Variants in NTM observed in about 807,000 individuals in gnomAD.
NTM encodes neurotrimin.
Under a neutral mutation model 42.1 loss-of-function variants are expected in NTM, and 13 were observed. The observed-to-expected ratio is 0.31, with a 90% confidence interval of 0.20 to 0.49. The LOEUF is 0.49. Among genes scored for constraint, NTM ranks in the 20% least tolerant of loss-of-function variants. NTM has a pLI of 0.99. For missense variants in NTM, 373 were observed against 452.8 expected, an observed-to-expected ratio of 0.82 and a Z score of 1.60; for synonymous variants, 187 against 179.2, an observed-to-expected ratio of 1.04 and a Z score of -0.35.
chr11:131,820,878 T>C (rs2093157651), intron 1 of NTM, among the ~76,000 whole-genome samples: 1 of 152,188 alleles, frequency 6.6e-6, no homozygotes, highest in African/African-American at 2.4e-5. Flanking sequence ...TCCATTCATT[T>C]TGCTATTACA....
At chr11:131,669,067 G>A (rs2069626287) in intron 1 of NTM, among the ~76,000 whole-genome samples, 1 of 152,160 alleles carries the variant, frequency 6.6e-6, no homozygotes, top group African/African-American at 2.4e-5. Flanking sequence ...GAAAGATGCG[G>A]TAGAGTCCCT....
intron 1 of NTM, chr11:131,767,401 A>G (rs2085293094): frequency 1.3e-5 from 2 of 152,272 alleles, no homozygotes; most frequent in South Asian, 4.1e-4. Flanking sequence ...CTACAAAAAG[A>G]AAAAAAGAAA....
chr11:132,048,659 G>T (rs1023027251), intron 2 of NTM, among the ~76,000 whole-genome samples: 3 of 152,172 alleles, frequency 2.0e-5, no homozygotes, highest in Admixed American at 2.0e-4. Flanking sequence ...GGACCCAGAA[G>T]TTGAGAATCC....
intron 4 of NTM, among the ~76,000 whole-genome samples, chr11:132,213,487 G>A (rs1000832526): frequency 6.6e-6 from 1 of 152,078 alleles, no homozygotes. Flanking sequence ...GCTGACCACC[G>A]AGGGCTATCC....
At position 132,134,875 on chromosome 11, in the gene NTM, A is replaced by G. The variant is rs558184451; in HGVS notation, c.168-11407A>G. Reference sequence around the variant, plus strand: ...CGTGTGCAAGTATCTTTTTCGTATTATATAATGACTTCTTTTCCTCCTGGT... The same window carrying G: ...CGTGTGCAAGTATCTTTTTCGTATTGTATAATGACTTCTTTTCCTCCTGGT... On this transcript the variant is annotated intron_variant, in intron 2 of 8. Transcript: ENST00000683400. Among the ~76,000 whole-genome samples the G allele has an allele frequency of 9.1e-4, 137 of 151,350 alleles. 2 individuals carry two copies. The South Asian group carries it at 0.027, about 30-fold the overall frequency.
chr11:131,927,494 A>G (rs1240516519), intron 2 of NTM, among the ~76,000 whole-genome samples: 5 of 152,172 alleles, frequency 3.3e-5, no homozygotes, highest in African/African-American at 1.2e-4. Flanking sequence ...TTGAATTTTT[A>G]TCCACAGTAA....
chr11:132,064,312 C>T (rs1427233350), intron 2 of NTM, among the ~76,000 whole-genome samples: 1 of 152,122 alleles, frequency 6.6e-6, no homozygotes, highest in Non-Finnish European at 1.5e-5. Context: ...TATCTATCTA[C>T]CTATCTATCT....
At chr11:132,293,520 G>A (rs1275899891) in intron 4 of NTM, among the ~76,000 whole-genome samples, 4 of 152,088 alleles carry the variant, frequency 2.6e-5, no homozygotes, top group Admixed American at 6.5e-5. Context: ...GATGTGGAGT[G>A]CAGTCCGATG....
At chr11:131,478,235 G>A (rs1317898716) in intron 1 of NTM, among the ~76,000 whole-genome samples, 5 of 151,902 alleles carry the variant, frequency 3.3e-5, no homozygotes, top group African/African-American at 1.2e-4. Flanking sequence ...TCTTGTTTTT[G>A]AACTCAAAAT....
At chr11:131,517,946 T>C (rs979208743) in intron 1 of NTM, among the ~76,000 whole-genome samples, 26 of 152,328 alleles carry the variant, frequency 1.7e-4, no homozygotes, top group African/African-American at 5.5e-4. Flanking sequence ...CTCATTTACA[T>C]GGAATGCACA....
intron 7 of NTM, among the ~76,000 whole-genome samples, chr11:132,315,962 T>C (rs2095417960): frequency 6.6e-6 from 1 of 152,084 alleles, no homozygotes; most frequent in African/African-American, 2.4e-5. Flanking sequence ...GGCAGGCGTC[T>C]GTCTGCATGA....
chr11:131,700,826 C>A (rs535795689), intron 1 of NTM, among the ~76,000 whole-genome samples: 59 of 152,314 alleles, frequency 3.9e-4, no homozygotes, highest in African/African-American at 1.4e-3. Flanking sequence ...TTTCCATACG[C>A]AACCAATAAT....
At chr11:132,096,540 G>A (rs1328666689) in intron 2 of NTM, among the ~76,000 whole-genome samples, 1 of 152,040 alleles carries the variant, frequency 6.6e-6, no homozygotes, top group Non-Finnish European at 1.5e-5. Flanking sequence ...TATAATATTC[G>A]CCTAATGATC....
At chr11:132,250,761 T>C (rs2091854504) in intron 4 of NTM, among the ~76,000 whole-genome samples, 1 of 152,236 alleles carries the variant, frequency 6.6e-6, no homozygotes, top group South Asian at 2.1e-4. Context: ...AGGTTTATTT[T>C]CCAATATTAT....
intron 1 of NTM, among the ~76,000 whole-genome samples, chr11:131,526,836 G>A (rs401862): frequency 0.22 from 32,763 of 152,094 alleles, 3,785 homozygotes; most frequent in African/African-American, 0.31. Context: ...TTATGCATGG[G>A]TGTGGTCACA....
chr11:131,632,230 T>C (rs1399300421), intron 1 of NTM, among the ~76,000 whole-genome samples: 1 of 152,198 alleles, frequency 6.6e-6, no homozygotes, highest in East Asian at 1.9e-4. Flanking sequence ...TTCTCCCTAA[T>C]TGCTTGAGTC....
rs577610048 is a variant in NTM, at chr11:131,682,415, T to C, written c.83-229149T>C. Among the ~76,000 whole-genome samples, 9 of 152,332 alleles carry C rather than the reference T, an allele frequency of 5.9e-5. No homozygotes were observed. In the East Asian group the frequency reaches 1.7e-3, roughly 29 times the overall value. ...GGACCCATTCAGAAGAGCCTTCACCTGCTCCTGCTATCCTAACCCCATCGG... is the reference window on the plus strand; with the variant it reads ...GGACCCATTCAGAAGAGCCTTCACCCGCTCCTGCTATCCTAACCCCATCGG... On this transcript the variant is annotated intron_variant, in intron 1 of 8. Transcript: ENST00000683400.
chr11:131,776,772 T>G (rs1344584792), intron 1 of NTM, among the ~76,000 whole-genome samples: 1 of 152,148 alleles, frequency 6.6e-6, no homozygotes, highest in Non-Finnish European at 1.5e-5. Context: ...CCACATGGTG[T>G]CACAGGGATC....
At chr11:131,764,767 A>T (rs1353185760) in intron 1 of NTM, among the ~76,000 whole-genome samples, 4 of 152,086 alleles carry the variant, frequency 2.6e-5, no homozygotes, top group Non-Finnish European at 5.9e-5. Flanking sequence ...GGAGAACATG[A>T]CTCGAAGTTG....
Sources: gnomAD v4.1 joint callset for allele counts (sites outside exome capture counted in the v4.1 genomes callset) on GRCh38, gnomAD v4.1.1 for gene constraint, MANE v1.5 for transcripts, NCBI Gene and HGNC (gene_info 2026-07-23, HGNC 2026-07-21) for gene names.